DGLUCY: variants seen among roughly 807,000 people sequenced by gnomAD.
The protein encoded by DGLUCY is D-glutamate cyclase, mitochondrial.
Under a neutral mutation model 58.5 loss-of-function variants are expected in DGLUCY, and 58 were observed. That is an observed-to-expected ratio of 0.99 (90% confidence interval 0.80 to 1.23). The LOEUF is 1.23. DGLUCY is among the 50% of genes most tolerant of loss of function. DGLUCY has a pLI of 0.00. For missense variants in DGLUCY, 779 were observed against 784.7 expected (o/e 0.99, Z 0.09); for synonymous variants, 325 against 314.1 (o/e 1.03, Z -0.37).
At chr14:91,139,170 C>G (rs1436320976) in intron 1 of DGLUCY, among the ~76,000 whole-genome samples, 1 of 152,132 alleles carries the variant, frequency 6.6e-6, no homozygotes, top group East Asian at 1.9e-4. Flanking sequence ...GGCCTGAGGA[C>G]CAGGAGCACT....
intron 1 of DGLUCY, among the ~76,000 whole-genome samples, chr14:91,063,318 G>A (rs947254335): frequency 2.0e-5 from 3 of 151,740 alleles, no homozygotes; most frequent in Non-Finnish European, 2.9e-5. Flanking sequence ...CTGGCCAATG[G>A]GGTATGGGCA....
At chr14:91,169,193 G>A (rs773284951) in intron 4 of DGLUCY, among the ~76,000 whole-genome samples, 1 of 152,118 alleles carries the variant, frequency 6.6e-6, no homozygotes, top group African/African-American at 2.4e-5. Flanking sequence ...CGGCATGAAG[G>A]CATGGCTCAG....
chr14:91,141,099 TATC>T (rs2046642499), intron 1 of DGLUCY, among the ~76,000 whole-genome samples: 1 of 151,970 alleles, frequency 6.6e-6, no homozygotes, highest in Non-Finnish European at 1.5e-5. Context: ...AAAGAATAGT[TATC>T]AGGCTGGGCA....
chr14:91,174,496 G>C lies in DGLUCY; in HGVS notation c.607+1057G>C, dbSNP rs534257177. 2.0e-5 allele frequency among the ~76,000 whole-genome samples: 3 copies of C among 151,996 alleles called. No individual in the cohort carries two copies. In the South Asian group the frequency reaches 6.2e-4, roughly 32 times the overall value. ...AATTTTTGTATTTTTAGTAGAGATGGGGTTTTGCCATGTTGGCCAGGCTGG... is the reference window on the plus strand; with the variant it reads ...AATTTTTGTATTTTTAGTAGAGATGCGGTTTTGCCATGTTGGCCAGGCTGG... On this transcript the variant is annotated intron_variant, in intron 6 of 13. Transcript: ENST00000256324.
intron 1 of DGLUCY, among the ~76,000 whole-genome samples, chr14:91,128,315 A>G (rs1331060255): frequency 6.6e-6 from 1 of 151,344 alleles, no homozygotes; most frequent in Non-Finnish European, 1.5e-5. Flanking sequence ...TCTACAAAAA[A>G]AAAAAAAAAA....
intron 10 of DGLUCY, among the ~76,000 whole-genome samples, chr14:91,199,414 C>A (rs2050414794): frequency 6.6e-6 from 1 of 152,070 alleles, no homozygotes; most frequent in Non-Finnish European, 1.5e-5. Context: ...CACCCACCAC[C>A]ACGCCCAGCT....
chr14:91,219,642 T>A (rs1263612119), intron 13 of DGLUCY, among the ~76,000 whole-genome samples: 2 of 152,138 alleles, frequency 1.3e-5, no homozygotes, highest in Non-Finnish European at 1.5e-5. Context: ...GGAGGCCAGA[T>A]AAGGTGGACA....
At chr14:91,074,903 T>C (rs781371976) in intron 1 of DGLUCY, among the ~76,000 whole-genome samples, 2 of 151,858 alleles carry the variant, frequency 1.3e-5, no homozygotes, top group Non-Finnish European at 2.9e-5. Context: ...AGAAACCCCA[T>C]CTCTACTAAA....
At chr14:91,110,430 C>CT (rs10711938), upstream of DGLUCY, among the ~76,000 whole-genome samples, 1,135 of 88,046 alleles carry the variant, frequency 0.013, 27 homozygotes, top group African/African-American at 0.046. Flanking sequence ...TTCTTTCTTT[C>CT]TTTTTTTTTT....
chr14:91,062,596 TATATATATATATATA>T (rs1311994152), intron 1 of DGLUCY, among the ~76,000 whole-genome samples: 557 of 28,630 alleles, frequency 0.019, 64 homozygotes, highest in African/African-American at 0.027. Context: ...TATATATATA[TATATATATATATATA>T]AACAATCCTT....
chr14:91,083,718 GT>G (rs569715493), intron 1 of DGLUCY, among the ~76,000 whole-genome samples: 1 of 151,062 alleles, frequency 6.6e-6, no homozygotes, highest in Non-Finnish European at 1.5e-5. Context: ...TGTTTTTCTG[GT>G]TTTTTTTTAA....
intron 11 of DGLUCY, among the ~76,000 whole-genome samples, chr14:91,204,147 A>G (rs377290321): frequency 9.2e-5 from 14 of 152,362 alleles, no homozygotes; most frequent in African/African-American, 3.1e-4. Context: ...GATGCAGACT[A>G]TCAGATGGGC....
At chr14:91,170,705 C>T (rs374043081) in intron 5 of DGLUCY, among the ~76,000 whole-genome samples, 3 of 152,164 alleles carry the variant, frequency 2.0e-5, no homozygotes, top group East Asian at 3.9e-4. Flanking sequence ...GTCTCTGGGA[C>T]GTGCCTGCTG....
chr14:91,221,783 G>A (rs1488332259), intron 13 of DGLUCY, among the ~76,000 whole-genome samples: 1 of 152,084 alleles, frequency 6.6e-6, no homozygotes, highest in Non-Finnish European at 1.5e-5. Flanking sequence ...ACAATAAAGT[G>A]TGTACACCTT....
rs139266983 is a variant in DGLUCY, at chr14:91,189,464, G to A, written c.1195+294G>A. Among the ~76,000 whole-genome samples, 60 of 152,278 alleles carry A rather than the reference G, an allele frequency of 3.9e-4. 2 individuals are homozygous for A. The East Asian group carries it at 0.011, about 28-fold the overall frequency. On this transcript the variant is annotated intron_variant, in intron 9 of 13. Coordinates refer to ENST00000256324, the MANE Select transcript of DGLUCY (RefSeq NM_001102368.3). ...TTTGCAGTGTGGGGAATGACCTGCC[G>A]AGTATTCTTAGCAATCCGGGGCAGC... is the stretch of plus-strand genomic sequence containing the variant.
intron 1 of DGLUCY, among the ~76,000 whole-genome samples, chr14:91,071,262 A>T (rs2043911375): frequency 6.6e-6 from 1 of 150,530 alleles, no homozygotes; most frequent in Admixed American, 6.7e-5. Flanking sequence ...GTGTGAACTC[A>T]GGAGGCAGAG....
chr14:91,170,988 G>T (rs2048546821), intron 5 of DGLUCY, among the ~76,000 whole-genome samples: 1 of 152,192 alleles, frequency 6.6e-6, no homozygotes, highest in African/African-American at 2.4e-5. Context: ...GCTGCCCATA[G>T]TCTGTGCTGC....
intron 12 of DGLUCY, among the ~76,000 whole-genome samples, chr14:91,214,300 A>G (rs1183299706): frequency 6.6e-6 from 1 of 152,132 alleles, no homozygotes; most frequent in Non-Finnish European, 1.5e-5. Context: ...CTTATTGCTT[A>G]CCAGGCCCTT....
intron 7 of DGLUCY, 35 bp downstream of exon 7, chr14:91,176,091 C>A: frequency 6.2e-7 from 1 of 1,606,914 alleles, no homozygotes; most frequent in South Asian, 1.1e-5. Flanking sequence ...TCGATCTGCC[C>A]TAGGATGGAG....
Sources: allele counts gnomAD v4.1 joint callset (sites outside exome capture counted in the v4.1 genomes callset), GRCh38; gene constraint gnomAD v4.1.1; transcripts MANE v1.5; gene names NCBI Gene and HGNC (gene_info 2026-07-23, HGNC 2026-07-21).